The following KIFC3 variants were observed in gnomAD, a reference collection of about 807,000 sequenced individuals.
The protein encoded by KIFC3 is kinesin family member C3.
KIFC3 carries 60 observed loss-of-function variants against 101.8 expected under a neutral mutation model. The ratio of observed to expected loss-of-function variants is 0.59; its 90% confidence interval spans 0.48 to 0.73. KIFC3 has a LOEUF of 0.73. Among genes scored for constraint, KIFC3 ranks in the 30% least tolerant of loss-of-function variants. KIFC3 has a pLI of 0.00. For missense variants in KIFC3, 966 were observed against 1,137.1 expected (o/e 0.85, Z 2.16); for synonymous variants, 476 against 482.7 (o/e 0.99, Z 0.18).
intron 3 of KIFC3, among the ~76,000 whole-genome samples, chr16:57,783,416 C>A (rs1156556308): frequency 2.0e-5 from 3 of 151,324 alleles, no homozygotes; most frequent in Non-Finnish European, 4.4e-5. Flanking sequence ...TGTACACCTT[C>A]AAGGGGAGAA....
At chr16:57,773,321 G>A (rs1429298685) in intron 3 of KIFC3, among the ~76,000 whole-genome samples, 1 of 152,206 alleles carries the variant, frequency 6.6e-6, no homozygotes, top group Non-Finnish European at 1.5e-5. Flanking sequence ...GGTAAGGCAG[G>A]TGAGGGGCTG....
intron 1 of KIFC3, among the ~76,000 whole-genome samples, chr16:57,845,412 C>G (rs2055897382): frequency 6.6e-6 from 1 of 152,178 alleles, no homozygotes; most frequent in South Asian, 2.1e-4. Context: ...CTGCTCAAAG[C>G]CGTCTGTGGC....
intron 1 of KIFC3, chr16:57,816,383 G>A (rs782055660): frequency 3.0e-6 from 2 of 662,518 alleles, no homozygotes; most frequent in South Asian, 1.5e-5. Context: ...GAAGGCCTCA[G>A]AAGACCCGCC....
intron 1 of KIFC3, among the ~76,000 whole-genome samples, chr16:57,814,460 G>T (rs1414096531): frequency 6.6e-6 from 1 of 152,130 alleles, no homozygotes; most frequent in African/African-American, 2.4e-5. Context: ...CTCATTAACA[G>T]GTAATATTTA....
chr16:57,813,903 T>G, intron 1 of KIFC3: 4 of 975,740 alleles, frequency 4.1e-6, no homozygotes, highest in African/African-American at 1.7e-5. Flanking sequence ...TGAAGGGATC[T>G]ACCCTGGCAC....
Position 57,760,741 on chromosome 16 carries a change from G to C in KIFC3, c.2217C>G (p.Thr739=), listed in dbSNP as rs376363329. Residue 739 remains threonine, a synonymous_variant, in exon 16 of 20, where the codon ACC becomes ACG. Transcript: ENST00000445690. ...LQDSLSGDSK[T]LMVVQVSPVE... is the part of the protein sequence containing the mutation. Reference sequence around the variant, plus strand: ...AGGTCCTCACCTGTACCACCATGAGGGTCTTGCTGTCACCACTAAGCGAAT... The same window carrying C: ...AGGTCCTCACCTGTACCACCATGAGCGTCTTGCTGTCACCACTAAGCGAAT... 1 of 1,613,712 alleles carries C rather than the reference G, an allele frequency of 6.2e-7. No homozygotes were observed. Among genetic ancestry groups the C allele is most frequent in the South Asian group, 1.1e-5 (1 of 91,088 alleles).
At chr16:57,833,344 G>A (rs1187901701) in intron 1 of KIFC3, among the ~76,000 whole-genome samples, 5 of 152,128 alleles carry the variant, frequency 3.3e-5, no homozygotes, top group African/African-American at 1.2e-4. Flanking sequence ...GGGGCCTTCA[G>A]TCTCCCCATT....
At chr16:57,802,794 C>G (rs994858077), upstream of KIFC3, 2 of 765,500 alleles carry the variant, frequency 2.6e-6, no homozygotes, top group Non-Finnish European at 4.3e-6. This position sits in a 1 kb window ranked among gnomAD's most constrained non-coding sequence, Gnocchi z 5.0. Context: ...CTGGCACACA[C>G]GAGGCAGCCC....
At chr16:57,820,880 G>A (rs1048078193) in intron 1 of KIFC3, among the ~76,000 whole-genome samples, 5 of 152,150 alleles carry the variant, frequency 3.3e-5, no homozygotes, top group Non-Finnish European at 7.3e-5. Flanking sequence ...CAGCACTATG[G>A]GAGGCTGAGG....
rs782027689 is a variant in KIFC3, at chr16:57,767,018, C to T, written c.1219-33G>A. On this transcript the variant is annotated intron_variant, in intron 9 of 19. Coordinates refer to ENST00000445690, the MANE Select transcript of KIFC3 (RefSeq NM_001130100.2). ...GGGGTGCACACCACTGTCAGGGGGA[C>T]GGCTCCATCAGCCTTACCGGCCTGA... 44 of 1,569,092 alleles carry T rather than the reference C, an allele frequency of 2.8e-5. No homozygotes were observed. The African/African-American group carries it at 4.0e-4, about 14-fold the overall frequency.
At chr16:57,815,071 G>A (rs1469541867) in intron 1 of KIFC3, among the ~76,000 whole-genome samples, 14 of 152,190 alleles carry the variant, frequency 9.2e-5, no homozygotes, top group Admixed American at 3.3e-4. Flanking sequence ...GGACACGCAG[G>A]CCTGGCCCTG....
At chr16:57,775,526 G>A (rs376443245) in intron 3 of KIFC3, 17 of 986,828 alleles carry the variant, frequency 1.7e-5, no homozygotes, top group South Asian at 1.4e-4. Flanking sequence ...AGAGAGAAAC[G>A]GAGGCACCTG....
At chr16:57,802,986 C>T (rs1343835859), upstream of KIFC3, 11 of 1,535,742 alleles carry the variant, frequency 7.2e-6, no homozygotes, top group African/African-American at 1.4e-5. This position sits in a 1 kb window ranked among gnomAD's most constrained non-coding sequence, Gnocchi z 5.0. Flanking sequence ...CATCCCTTAC[C>T]GTGTCCTTGC....
intron 1 of KIFC3, among the ~76,000 whole-genome samples, chr16:57,831,861 C>T (rs1555479356): frequency 6.6e-6 from 1 of 152,008 alleles, no homozygotes; most frequent in Non-Finnish European, 1.5e-5. Flanking sequence ...GTTTGTACTC[C>T]AAGATTTAGG....
intron 1 of KIFC3, among the ~76,000 whole-genome samples, chr16:57,856,521 G>GA (rs1480525483): frequency 3.7e-5 from 5 of 133,590 alleles, no homozygotes; most frequent in South Asian, 2.5e-4. Context: ...GGAAGGGAGG[G>GA]AAAAAAGAAA....
chr16:57,832,729 C>T (rs557481059), intron 1 of KIFC3, among the ~76,000 whole-genome samples: 4 of 152,212 alleles, frequency 2.6e-5, no homozygotes, highest in Admixed American at 6.5e-5. Context: ...TAAATTTCAA[C>T]TAATTTCAGA....
At chr16:57,799,788 C>A (rs922259143) in intron 1 of KIFC3, among the ~76,000 whole-genome samples, 13 of 152,072 alleles carry the variant, frequency 8.5e-5, no homozygotes, top group African/African-American at 3.1e-4. Flanking sequence ...GAGCTCCAGG[C>A]AAGTATAGAG....
chr16:57,796,455 G>A (rs9932039), intron 2 of KIFC3, among the ~76,000 whole-genome samples: 2,649 of 152,312 alleles, frequency 0.017, 89 homozygotes, highest in African/African-American at 0.061. Flanking sequence ...CAGGGTCACA[G>A]GGAGCCAGGA....
Position 57,758,615 on chromosome 16 carries a change from T to C in KIFC3, c.*319A>G. The stretch of plus-strand genomic sequence containing the variant: ...AGCCTGGGTGAGAGGCCCACCCTCC[T>C]CCACACTCCCGCCCTCCTCACGGGG... On this transcript the variant is annotated 3_prime_UTR_variant, in exon 20 of 20. Transcript: ENST00000445690. 1.4e-6 allele frequency: 1 copy of C among 692,676 alleles called. No individual in the cohort carries two copies. Among genetic ancestry groups the C allele is most frequent in the Admixed American group, 2.0e-5 (1 of 49,584 alleles). 42.9% of individuals were successfully genotyped at this position (692,676 alleles called of 1,614,324 possible).
Sources: gnomAD v4.1 joint callset for allele counts (sites outside exome capture counted in the v4.1 genomes callset) on GRCh38, gnomAD v4.1.1 for gene constraint, Gnocchi (gnomAD v3.1) non-coding constraint, MANE v1.5 for transcripts, NCBI Gene and HGNC (gene_info 2026-07-23, HGNC 2026-07-21) for gene names.